The following PTPRD variants were observed in gnomAD, a reference collection of about 807,000 sequenced individuals.
The protein encoded by PTPRD is receptor-type tyrosine-protein phosphatase delta.
PTPRD carries 34 observed loss-of-function variants against 214.5 expected under a neutral mutation model. The observed-to-expected ratio is 0.16, with a 90% CI of 0.12 to 0.21. PTPRD has a LOEUF of 0.21. Ranked by LOEUF, PTPRD falls within the 10% of genes least tolerant of loss-of-function variation. The pLI, the probability that PTPRD is intolerant of heterozygous loss-of-function variation, is 1.00. For synonymous variants in PTPRD, 1,128 were observed against 845.7 expected (o/e 1.33, Z -5.79); for missense variants, 2,545 against 2,398.7 (o/e 1.06, Z -1.27).
intron 5 of PTPRD, among the ~76,000 whole-genome samples, chr9:9,835,618 G>A (rs1282936406): frequency 6.6e-6 from 1 of 152,114 alleles, no homozygotes; most frequent in African/African-American, 2.4e-5. Context: ...CTCTTGGCCT[G>A]CACTGGAATT....
intron 10 of PTPRD, among the ~76,000 whole-genome samples, chr9:9,074,922 C>T (rs141066893): frequency 2.9e-3 from 436 of 151,210 alleles, no homozygotes; most frequent in African/African-American, 9.8e-3. Context: ...AAAAAAAGTC[C>T]TATATTATCC....
At chr9:10,247,268 A>G (rs1471819135) in intron 3 of PTPRD, among the ~76,000 whole-genome samples, 3 of 152,182 alleles carry the variant, frequency 2.0e-5, no homozygotes, top group East Asian at 3.9e-4. Context: ...ACTTCATGAC[A>G]TTGCAACTTG....
At chr9:10,109,922 AT>A (rs1395701937) in intron 3 of PTPRD, among the ~76,000 whole-genome samples, 1 of 151,896 alleles carries the variant, frequency 6.6e-6, no homozygotes, top group African/African-American at 2.4e-5. Flanking sequence ...AAATCCTAGC[AT>A]TTTTCAGCTG....
intron 3 of PTPRD, among the ~76,000 whole-genome samples, chr9:10,080,273 G>C (rs1183646004): frequency 6.6e-6 from 1 of 152,070 alleles, no homozygotes; most frequent in Non-Finnish European, 1.5e-5. Flanking sequence ...GACAGGAGCA[G>C]GCAAACCCAA....
intron 5 of PTPRD, among the ~76,000 whole-genome samples, chr9:9,918,229 A>T (rs1602085276): frequency 6.6e-6 from 1 of 151,932 alleles, no homozygotes; most frequent in South Asian, 2.1e-4. Context: ...CAATATGAAA[A>T]TTAAGTCACA....
chr9:9,313,032 T>TA (rs1386720454), intron 9 of PTPRD, among the ~76,000 whole-genome samples: 3 of 152,332 alleles, frequency 2.0e-5, no homozygotes, highest in South Asian at 2.1e-4. Context: ...CTTAAGTGTA[T>TA]ATATAGCTCA....
At chr9:8,833,415 G>A (rs891281426) in intron 11 of PTPRD, among the ~76,000 whole-genome samples, 3 of 151,794 alleles carry the variant, frequency 2.0e-5, no homozygotes, top group African/African-American at 4.8e-5. Flanking sequence ...TATTTTAAAT[G>A]GTAACATTTA....
chr9:10,605,491 C>A (rs756629415), intron 2 of PTPRD, among the ~76,000 whole-genome samples: 4 of 151,732 alleles, frequency 2.6e-5, no homozygotes, highest in Non-Finnish European at 5.9e-5. Flanking sequence ...GGAATTAGCA[C>A]TGGAGTGAGA....
intron 11 of PTPRD, among the ~76,000 whole-genome samples, chr9:8,834,011 C>G (rs2097358215): frequency 6.6e-6 from 1 of 151,250 alleles, no homozygotes; most frequent in Admixed American, 6.6e-5. Flanking sequence ...TTTATAATTT[C>G]TCACATAATT....
intron 3 of PTPRD, among the ~76,000 whole-genome samples, chr9:10,166,154 C>G (rs1157467182): frequency 6.8e-6 from 1 of 146,926 alleles, no homozygotes; most frequent in African/African-American, 2.5e-5. Context: ...AATACGTATC[C>G]ATAATATACA....
At chr9:8,988,049 T>TGG (rs1199464544) in intron 11 of PTPRD, among the ~76,000 whole-genome samples, 1 of 151,366 alleles carries the variant, frequency 6.6e-6, no homozygotes, top group Admixed American at 6.6e-5. Context: ...AGGAGGAAGT[T>TGG]GGGGAGAGAG....
chr9:9,708,258 C>G (rs893358226), intron 7 of PTPRD, among the ~76,000 whole-genome samples: 4 of 152,008 alleles, frequency 2.6e-5, no homozygotes, highest in African/African-American at 2.4e-5. Flanking sequence ...ATGCATTCAG[C>G]TATGTGTTTA....
At chr9:9,333,658 A>G (rs924158252) in intron 9 of PTPRD, among the ~76,000 whole-genome samples, 1 of 151,458 alleles carries the variant, frequency 6.6e-6, no homozygotes, top group Non-Finnish European at 1.5e-5. Flanking sequence ...TGACTAACAT[A>G]CCATGTAATC....
At chr9:8,696,151 C>A (rs543668532) in intron 12 of PTPRD, among the ~76,000 whole-genome samples, 8 of 152,108 alleles carry the variant, frequency 5.3e-5, no homozygotes, top group Non-Finnish European at 1.0e-4. Context: ...ACCACCTTCA[C>A]GTTATGTTTT....
chr9:10,240,194 A>G (rs1447455717), intron 3 of PTPRD, among the ~76,000 whole-genome samples: 2 of 152,060 alleles, frequency 1.3e-5, no homozygotes, highest in African/African-American at 4.8e-5. Flanking sequence ...AAATAAAAAT[A>G]TACTTCATAT....
chr9:8,439,987 A>C (rs1159171042), intron 34 of PTPRD, among the ~76,000 whole-genome samples: 1 of 121,276 alleles, frequency 8.2e-6, no homozygotes, highest in Non-Finnish European at 1.7e-5. Context: ...CACCAGACCA[A>C]TTAATTCAGG....
At chr9:9,553,354 G>A (rs2080786204) in intron 8 of PTPRD, among the ~76,000 whole-genome samples, 1 of 151,902 alleles carries the variant, frequency 6.6e-6, no homozygotes, top group Non-Finnish European at 1.5e-5. Flanking sequence ...CACTTACTAA[G>A]CAGCATTTCT....
intron 8 of PTPRD, among the ~76,000 whole-genome samples, chr9:9,465,508 T>C (rs570107109): frequency 6.6e-6 from 1 of 152,262 alleles, no homozygotes; most frequent in East Asian, 1.9e-4. Flanking sequence ...GAGAGCAATA[T>C]AAATTTAAGT....
intron 3 of PTPRD, among the ~76,000 whole-genome samples, chr9:10,258,590 G>T (rs188963547): frequency 8.4e-4 from 128 of 152,286 alleles, no homozygotes; most frequent in African/African-American, 3.0e-3. Flanking sequence ...ATCCACAATA[G>T]TGGCAAGCCA....
Sources: gnomAD v4.1 joint callset for allele counts (sites outside exome capture counted in the v4.1 genomes callset) on GRCh38, gnomAD v4.1.1 for gene constraint, MANE v1.5 for transcripts, NCBI Gene and HGNC (gene_info 2026-07-23, HGNC 2026-07-21) for gene names.